The following AGBL4 variants were observed in gnomAD, a reference collection of about 807,000 sequenced individuals.
AGBL4 encodes the protein AGBL carboxypeptidase 4.
AGBL4 carries 58 observed loss-of-function variants against 66.4 expected under a neutral mutation model. The ratio of observed to expected loss-of-function variants is 0.87; its 90% CI spans 0.71 to 1.09. The LOEUF is 1.09. AGBL4 is among the 50% of genes least tolerant of loss of function. AGBL4 has a pLI of 0.00. For synonymous variants in AGBL4, 234 were observed against 222.9 expected (o/e 1.05, Z -0.44); for missense variants, 579 against 631.0 (o/e 0.92, Z 0.88).
chr1:49,515,989 G>A (rs1649778159), intron 3 of AGBL4, among the ~76,000 whole-genome samples: 1 of 150,634 alleles, frequency 6.6e-6, no homozygotes, highest in South Asian at 2.1e-4. Context: ...GTATACATCT[G>A]TAACTAACCT....
At chr1:49,011,099 C>T (rs1258753702) in intron 5 of AGBL4, among the ~76,000 whole-genome samples, 1 of 150,740 alleles carries the variant, frequency 6.6e-6, no homozygotes, top group African/African-American at 2.4e-5. Context: ...AGGCAACCTA[C>T]AAAATGGGAG....
At chr1:48,910,147 ACATAC>A (rs1350953431) in intron 5 of AGBL4, among the ~76,000 whole-genome samples, 3 of 152,254 alleles carry the variant, frequency 2.0e-5, no homozygotes, top group Non-Finnish European at 2.9e-5. Context: ...ACCTTGTGAC[ACATAC>A]CAAGAAGACT....
chr1:49,696,288 C>T (rs897943758), intron 3 of AGBL4, among the ~76,000 whole-genome samples: 3 of 151,958 alleles, frequency 2.0e-5, no homozygotes, highest in African/African-American at 4.8e-5. Context: ...TTCAAGCATA[C>T]GTTTTTAGTT....
At chr1:49,681,769 CAATA>C (rs1646698693) in intron 3 of AGBL4, among the ~76,000 whole-genome samples, 1 of 152,184 alleles carries the variant, frequency 6.6e-6, no homozygotes, top group Admixed American at 6.5e-5. Flanking sequence ...TCTGTTTCTA[CAATA>C]ATCTATATAC....
intron 6 of AGBL4, among the ~76,000 whole-genome samples, chr1:48,797,596 C>A (rs1035450452): frequency 4.6e-5 from 7 of 152,084 alleles, no homozygotes; most frequent in African/African-American, 1.7e-4. Context: ...CATGTATATA[C>A]CACATTATCT....
At chr1:48,887,481 T>C (rs956784950) in intron 5 of AGBL4, among the ~76,000 whole-genome samples, 1 of 152,012 alleles carries the variant, frequency 6.6e-6, no homozygotes, top group African/African-American at 2.4e-5. Flanking sequence ...CAGTCTACCA[T>C]GGCCCAGGGC....
chr1:49,562,270 C>G (rs1027250282), intron 3 of AGBL4, among the ~76,000 whole-genome samples: 2 of 152,238 alleles, frequency 1.3e-5, no homozygotes, highest in East Asian at 1.9e-4. Flanking sequence ...CCTGTTCACT[C>G]TGATGGTGGT....
At chr1:49,318,052 T>G (rs1645070156) in intron 3 of AGBL4, among the ~76,000 whole-genome samples, 1 of 152,048 alleles carries the variant, frequency 6.6e-6, no homozygotes, top group Non-Finnish European at 1.5e-5. Context: ...GCCAACAAAA[T>G]TTTTAAAAGA....
At chr1:48,849,934 C>G (rs1297984254) in intron 6 of AGBL4, among the ~76,000 whole-genome samples, 1 of 152,124 alleles carries the variant, frequency 6.6e-6, no homozygotes, top group African/African-American at 2.4e-5. Flanking sequence ...GATCGCACCA[C>G]TGCACTCCAG....
chr1:49,766,829 A>C (rs951560284), intron 2 of AGBL4, among the ~76,000 whole-genome samples: 1 of 152,118 alleles, frequency 6.6e-6, no homozygotes, highest in Non-Finnish European at 1.5e-5. Flanking sequence ...AAAATAGTAA[A>C]ACAAATCAAA....
intron 4 of AGBL4, among the ~76,000 whole-genome samples, chr1:49,226,528 T>C (rs1219651639): frequency 1.3e-5 from 2 of 152,168 alleles, no homozygotes; most frequent in Non-Finnish European, 2.9e-5. Context: ...TCCATATTTA[T>C]AGGTTTGACT....
At chr1:49,947,227 G>A (rs1655296542) in intron 1 of AGBL4, among the ~76,000 whole-genome samples, 1 of 151,322 alleles carries the variant, frequency 6.6e-6, no homozygotes, top group Admixed American at 6.6e-5. Context: ...CAAAACCACG[G>A]AAGCACATAA....
chr1:49,943,115 A>G (rs1654915589), intron 1 of AGBL4, among the ~76,000 whole-genome samples: 1 of 152,198 alleles, frequency 6.6e-6, no homozygotes, highest in African/African-American at 2.4e-5. Flanking sequence ...TCATAATGAA[A>G]TATCACCTCA....
chr1:48,922,514 G>A lies in AGBL4; in HGVS notation c.595-55284C>T, dbSNP rs542070982. On this transcript the variant is annotated intron_variant, in intron 5 of 13. Coordinates refer to ENST00000371839, the MANE Select transcript of AGBL4 (RefSeq NM_032785.4). ...GAGAAAGGAGTGACACTGAAGAAAT[G>A]ACAACTCAGTGGCATTCACTCTCTC... 3.9e-5 allele frequency among the ~76,000 whole-genome samples: 6 copies of A among 152,244 alleles called. No homozygotes were observed. In the South Asian group the frequency reaches 6.2e-4, roughly 16 times the overall value.
chr1:49,655,114 T>C (rs1220130520), intron 3 of AGBL4, among the ~76,000 whole-genome samples: 1 of 152,224 alleles, frequency 6.6e-6, no homozygotes, highest in Non-Finnish European at 1.5e-5. Flanking sequence ...TCAGAAGCTC[T>C]TGTTGGGCAG....
intron 3 of AGBL4, among the ~76,000 whole-genome samples, chr1:49,381,027 G>A (rs1426743074): frequency 6.6e-6 from 1 of 152,138 alleles, no homozygotes; most frequent in African/African-American, 2.4e-5. Flanking sequence ...CTTTTGTGCA[G>A]CAAAAGAAAC....
At chr1:49,124,167 C>A (rs1359058999) in intron 4 of AGBL4, among the ~76,000 whole-genome samples, 1 of 152,040 alleles carries the variant, frequency 6.6e-6, no homozygotes, top group South Asian at 2.1e-4. Flanking sequence ...AGTCAATAAA[C>A]AAAATACATA....
At chr1:49,813,362 C>T (rs1645151098) in intron 2 of AGBL4, among the ~76,000 whole-genome samples, 2 of 152,212 alleles carry the variant, frequency 1.3e-5, no homozygotes, top group South Asian at 2.1e-4. Context: ...CACTCTCCTG[C>T]TATAAACTCT....
intron 5 of AGBL4, among the ~76,000 whole-genome samples, chr1:48,914,431 G>A (rs1024659806): frequency 2.0e-5 from 3 of 152,144 alleles, no homozygotes; most frequent in Admixed American, 2.0e-4. Context: ...TGTGAAATGA[G>A]GGAGTGGAGG....
Sources: allele counts gnomAD v4.1 joint callset (sites outside exome capture counted in the v4.1 genomes callset), GRCh38; gene constraint gnomAD v4.1.1; transcripts MANE v1.5; gene names NCBI Gene and HGNC (gene_info 2026-07-23, HGNC 2026-07-21).